Variants in LEF1 observed in about 807,000 individuals in gnomAD.
LEF1 encodes lymphoid enhancer-binding factor 1.
LEF1 carries 14 observed loss-of-function variants against 51.2 expected under a neutral mutation model. That is an observed-to-expected ratio of 0.27 (90% CI 0.18 to 0.43). The LOEUF is 0.43. Ranked by LOEUF, LEF1 falls within the 20% of genes least tolerant of loss-of-function variation. LEF1 has a pLI of 1.00. For missense variants in LEF1, 386 were observed against 512.0 expected, an observed-to-expected ratio of 0.75 and a Z score of 2.37; for synonymous variants, 185 against 183.2, an observed-to-expected ratio of 1.01 and a Z score of -0.08.
intron 9 of LEF1, among the ~76,000 whole-genome samples, chr4:108,068,008 T>C (rs1415792575): frequency 6.6e-6 from 1 of 151,874 alleles, no homozygotes; most frequent in Non-Finnish European, 1.5e-5. Flanking sequence ...TGGCTCACGC[T>C]TATAATCCTA....
intron 3 of LEF1, among the ~76,000 whole-genome samples, chr4:108,111,824 G>A (rs543341421): frequency 3.3e-5 from 5 of 152,324 alleles, no homozygotes; most frequent in East Asian, 1.9e-4. Context: ...TGAGGTGGGC[G>A]ATCACCTAAG....
chr4:108,072,481 A>C (rs1264397735), intron 8 of LEF1, among the ~76,000 whole-genome samples: 1 of 152,256 alleles, frequency 6.6e-6, no homozygotes, highest in Non-Finnish European at 1.5e-5. Context: ...AAAGCCCCTT[A>C]AAAGTCAGGC....
intron 3 of LEF1, among the ~76,000 whole-genome samples, chr4:108,146,349 T>C (rs1221635250): frequency 1.3e-5 from 2 of 152,230 alleles, no homozygotes; most frequent in Non-Finnish European, 2.9e-5. Flanking sequence ...GTAAGCATTA[T>C]ATACCAGTGG....
intron 3 of LEF1, among the ~76,000 whole-genome samples, chr4:108,092,526 C>G (rs1740090483): frequency 6.6e-6 from 1 of 152,134 alleles, no homozygotes; most frequent in Admixed American, 6.5e-5. Context: ...AGTTACTGCC[C>G]CTTGACACTA....
intron 3 of LEF1, among the ~76,000 whole-genome samples, chr4:108,132,659 CTTTT>C (rs749911957): frequency 7.2e-4 from 34 of 47,442 alleles, no homozygotes; most frequent in East Asian, 1.6e-3. Flanking sequence ...GAAAATCTGC[CTTTT>C]TTTTTTTTTT....
intron 6 of LEF1, 151 bp from the exon 7 acceptor site, chr4:108,079,765 G>A (rs1311800290): frequency 2.0e-5 from 13 of 646,264 alleles, no homozygotes; most frequent in South Asian, 1.1e-4. Flanking sequence ...AGAGTGGGCC[G>A]ATAATTATTT....
At chr4:108,144,665 C>T (rs866203070) in intron 3 of LEF1, among the ~76,000 whole-genome samples, 8 of 152,118 alleles carry the variant, frequency 5.3e-5, no homozygotes, top group South Asian at 2.1e-4. Flanking sequence ...TCCCACACAG[C>T]TGCTGGAGGG....
intron 9 of LEF1, among the ~76,000 whole-genome samples, chr4:108,066,977 C>A (rs563519707): frequency 6.5e-4 from 99 of 152,280 alleles, no homozygotes; most frequent in African/African-American, 2.2e-3. Context: ...ATATTTCACA[C>A]GATCTCACTG....
At chr4:108,157,177 T>TAC (rs1326345518) in intron 3 of LEF1, among the ~76,000 whole-genome samples, 224 of 89,344 alleles carry the variant, frequency 2.5e-3, no homozygotes, top group African/African-American at 6.7e-3. Flanking sequence ...TCTATATATA[T>TAC]ATACACACAC....
chr4:108,099,380 T>C (rs1740596141), intron 3 of LEF1, among the ~76,000 whole-genome samples: 1 of 151,294 alleles, frequency 6.6e-6, no homozygotes, highest in South Asian at 2.1e-4. Flanking sequence ...AGCTTCCTTG[T>C]ATGGAAAAGA....
chr4:108,093,530 C>A (rs1421876812), intron 3 of LEF1, among the ~76,000 whole-genome samples: 1 of 152,100 alleles, frequency 6.6e-6, no homozygotes, highest in Admixed American at 6.5e-5. Context: ...GTTTCATTAT[C>A]CCAGGGTCAC....
intron 1 of LEF1, among the ~76,000 whole-genome samples, chr4:108,165,412 T>C (rs145640853): frequency 1.3e-5 from 2 of 152,228 alleles, no homozygotes; most frequent in East Asian, 1.9e-4. Flanking sequence ...AATAAAAATA[T>C]AGTTAAATTT....
rs151184933 is a variant in LEF1, at chr4:108,064,724, T to TTCTC, written c.1117-344_1117-341dup. ...GTCTTAGAGCTGTGGCCATAGAGCCTTCTCTCTCTCTCTCTCTCACACATA... is the reference window on the plus strand; with the variant it reads ...GTCTTAGAGCTGTGGCCATAGAGCCTTCTCTCTCTCTCTCTCTCTCTCACACATA... On this transcript the variant is annotated intron_variant, in intron 9 of 11. Coordinates refer to ENST00000265165, the MANE Select transcript of LEF1 (RefSeq NM_016269.5). Among the ~76,000 whole-genome samples, 59 of 145,894 alleles carry TTCTC rather than the reference T, an allele frequency of 4.0e-4. 2 individuals carry two copies. In the South Asian group the frequency reaches 0.012, roughly 30 times the overall value.
At chr4:108,105,561 A>C (rs533236816) in intron 3 of LEF1, among the ~76,000 whole-genome samples, 1 of 152,304 alleles carries the variant, frequency 6.6e-6, no homozygotes, top group Non-Finnish European at 1.5e-5. Flanking sequence ...TTTGAATTTC[A>C]AAAATTGTTT....
chr4:108,151,064 A>G (rs1744332183), intron 3 of LEF1, among the ~76,000 whole-genome samples: 1 of 152,196 alleles, frequency 6.6e-6, no homozygotes, highest in Non-Finnish European at 1.5e-5. Flanking sequence ...ATCTTGGTTA[A>G]TTTTGTTTTC....
chr4:108,081,218 G>A (rs974350595), intron 6 of LEF1, among the ~76,000 whole-genome samples: 2 of 152,038 alleles, frequency 1.3e-5, no homozygotes, highest in Non-Finnish European at 2.9e-5. Context: ...GACCAAACCA[G>A]TTTTATCCTC....
At chr4:108,119,068 T>G (rs1742009865) in intron 3 of LEF1, among the ~76,000 whole-genome samples, 1 of 151,122 alleles carries the variant, frequency 6.6e-6, no homozygotes, top group Non-Finnish European at 1.5e-5. Flanking sequence ...CACATGAAAA[T>G]AAGATTTTTT....
At chr4:108,074,481 T>G (rs1397088450) in intron 8 of LEF1, among the ~76,000 whole-genome samples, 1 of 152,214 alleles carries the variant, frequency 6.6e-6, no homozygotes, top group African/African-American at 2.4e-5. Context: ...AATAAAACTT[T>G]GATTAATTCA....
intron 9 of LEF1, among the ~76,000 whole-genome samples, chr4:108,069,836 T>TGC (rs1219399709): frequency 1.3e-5 from 2 of 151,700 alleles, no homozygotes; most frequent in Non-Finnish European, 2.9e-5. Context: ...TGCATGCCTG[T>TGC]AATCCCAACT....
Sources: allele counts gnomAD v4.1 joint callset (sites outside exome capture counted in the v4.1 genomes callset), GRCh38; gene constraint gnomAD v4.1.1; transcripts MANE v1.5; gene names NCBI Gene and HGNC (gene_info 2026-07-23, HGNC 2026-07-21).